PTPRN2: variants seen among roughly 807,000 people sequenced by gnomAD.
PTPRN2 encodes protein tyrosine phosphatase receptor type N2.
PTPRN2 carries 74 observed loss-of-function variants against 118.8 expected under a neutral mutation model. The observed-to-expected ratio is 0.62, with a 90% CI of 0.52 to 0.76. The LOEUF is 0.76. PTPRN2 is among the 30% of genes least tolerant of loss of function. PTPRN2 has a pLI of 0.00. For missense variants in PTPRN2, 1,481 were observed against 1,394.4 expected (o/e 1.06, Z -0.99); for synonymous variants, 641 against 608.0 (o/e 1.05, Z -0.80).
chr7:157,661,210 G>C (rs1795868310), intron 13 of PTPRN2, among the ~76,000 whole-genome samples: 1 of 152,288 alleles, frequency 6.6e-6, no homozygotes, highest in Non-Finnish European at 1.5e-5. Context: ...TCGCGTCACT[G>C]CGCAGCGCAG....
chr7:158,270,534 GGC>G lies in PTPRN2; in HGVS notation c.277+46283_277+46284del, dbSNP rs751931742. Among the ~76,000 whole-genome samples, 3 of 152,226 alleles carry G rather than the reference GGC, an allele frequency of 2.0e-5. No individual in the cohort carries two copies. The East Asian group carries it at 5.8e-4, about 29-fold the overall frequency. The stretch of plus-strand genomic sequence containing the variant: ...GCTCCCTCTGCCTATGACCAGGCCA[GGC>G]CCCCTGCAGTGGGTGCTGCTATCAC... On this transcript the variant is annotated intron_variant, in intron 3 of 22. Coordinates refer to ENST00000389418, the MANE Select transcript of PTPRN2 (RefSeq NM_002847.5).
intron 12 of PTPRN2, among the ~76,000 whole-genome samples, chr7:157,853,392 C>T (rs536198936): frequency 2.6e-5 from 4 of 152,176 alleles, no homozygotes; most frequent in Non-Finnish European, 5.9e-5. Flanking sequence ...GGAAGCATCC[C>T]GCACCGTGCC....
chr7:158,358,215 C>G (rs532866455), intron 2 of PTPRN2, among the ~76,000 whole-genome samples: 1 of 152,200 alleles, frequency 6.6e-6, no homozygotes, highest in South Asian at 2.1e-4. Flanking sequence ...AGACGCCCTA[C>G]GCCCACCTTT....
chr7:158,011,531 G>A (rs1865459), intron 11 of PTPRN2, among the ~76,000 whole-genome samples: 128,635 of 152,258 alleles, frequency 0.84, 54,419 homozygotes, highest in Non-Finnish European at 0.87. Flanking sequence ...ATATTAAGTG[G>A]TAGAAAATGG....
At chr7:158,534,701 C>T (rs776522824) in intron 1 of PTPRN2, among the ~76,000 whole-genome samples, 11 of 152,332 alleles carry the variant, frequency 7.2e-5, no homozygotes, top group African/African-American at 2.6e-4. Context: ...TAGCCTACCA[C>T]GTCACACAGT....
At chr7:157,998,837 A>G (rs1032800192) in intron 11 of PTPRN2, among the ~76,000 whole-genome samples, 1 of 150,398 alleles carries the variant, frequency 6.6e-6, no homozygotes, top group Non-Finnish European at 1.5e-5. Flanking sequence ...AAAAAAAAAA[A>G]CTCTACTTCA....
At chr7:158,071,604 G>C (rs1410258481) in intron 11 of PTPRN2, among the ~76,000 whole-genome samples, 6 of 107,496 alleles carry the variant, frequency 5.6e-5, no homozygotes, top group South Asian at 3.4e-4. Flanking sequence ...GCTCCTGGTG[G>C]AGGTGCTCGT....
At chr7:157,624,040 G>A (rs1020102028) in intron 14 of PTPRN2, among the ~76,000 whole-genome samples, 6 of 152,152 alleles carry the variant, frequency 3.9e-5, no homozygotes, top group African/African-American at 1.4e-4. Context: ...TTTAAACAAT[G>A]AAAGCAAAAC....
chr7:158,225,430 C>T (rs904809290), intron 3 of PTPRN2, among the ~76,000 whole-genome samples: 3 of 152,130 alleles, frequency 2.0e-5, no homozygotes, highest in African/African-American at 7.2e-5. Flanking sequence ...CTCGCTGAAT[C>T]TCCCCGGAAC....
chr7:157,809,940 G>A (rs1563132547), intron 12 of PTPRN2, among the ~76,000 whole-genome samples: 1 of 152,210 alleles, frequency 6.6e-6, no homozygotes, highest in African/African-American at 2.4e-5. Context: ...GAACAGGACT[G>A]TAATGGGTCA....
At position 158,587,544 on chromosome 7, in the gene PTPRN2, C is replaced by T. The variant is rs1586993202; in HGVS notation, c.112+14G>A. ...ATTCATTGAGGCGCCCCTCCCCCGG[C>T]GCCCCCCACTCACCCAGACGCCCCG... On this transcript the variant is annotated intron_variant, in intron 1 of 22. Coordinates refer to ENST00000389418, the MANE Select transcript of PTPRN2 (RefSeq NM_002847.5). 11 of 1,266,158 alleles carry T rather than the reference C, an allele frequency of 8.7e-6. No homozygotes were observed. The East Asian group carries it at 3.1e-4, about 36-fold the overall frequency. The allele number at this position is 1,266,158 out of a possible 1,614,324, so 78.4% of individuals were successfully genotyped here. A position where few individuals can be genotyped will look rare whatever the true frequency, so the allele number is the denominator to read the frequency against.
intron 2 of PTPRN2, among the ~76,000 whole-genome samples, chr7:158,460,480 G>C (rs1215938717): frequency 6.6e-6 from 1 of 151,642 alleles, no homozygotes; most frequent in Non-Finnish European, 1.5e-5. Context: ...AAGACCACAG[G>C]AGGGTCATCC....
chr7:158,149,533 G>T (rs568442530), intron 6 of PTPRN2, among the ~76,000 whole-genome samples: 1 of 152,148 alleles, frequency 6.6e-6, no homozygotes, highest in Non-Finnish European at 1.5e-5. Flanking sequence ...GCTGGGCGCA[G>T]TGGCTCATGC....
intron 12 of PTPRN2, among the ~76,000 whole-genome samples, chr7:157,692,207 G>A (rs1457690515): frequency 6.6e-6 from 1 of 151,768 alleles, no homozygotes; most frequent in Non-Finnish European, 1.5e-5. Flanking sequence ...ACGGCGGCCC[G>A]CGCCACTCGA....
At chr7:158,331,380 C>G (rs1280840612) in intron 2 of PTPRN2, among the ~76,000 whole-genome samples, 8 of 143,412 alleles carry the variant, frequency 5.6e-5, no homozygotes, top group African/African-American at 2.2e-4. Context: ...CCGCAGAAGT[C>G]ACTCACACCC....
intron 3 of PTPRN2, among the ~76,000 whole-genome samples, chr7:158,268,965 G>C (rs548059010): frequency 1.3e-3 from 204 of 152,322 alleles, no homozygotes; most frequent in Middle Eastern, 0.01. Context: ...CCACATTGTT[G>C]TTGAAAGCCG....
intron 3 of PTPRN2, among the ~76,000 whole-genome samples, chr7:158,257,800 G>C (rs1047449159): frequency 6.6e-6 from 1 of 152,244 alleles, no homozygotes. Context: ...GATGGCGTGC[G>C]TGCCAGGGGT....
intron 12 of PTPRN2, among the ~76,000 whole-genome samples, chr7:157,695,665 A>G (rs1369242374): frequency 1.3e-5 from 2 of 152,264 alleles, no homozygotes; most frequent in African/African-American, 4.8e-5. Flanking sequence ...TTCCACAGAC[A>G]AATATGGATG....
intron 3 of PTPRN2, among the ~76,000 whole-genome samples, chr7:158,232,609 C>A (rs1412672114): frequency 6.6e-6 from 1 of 151,710 alleles, no homozygotes; most frequent in Non-Finnish European, 1.5e-5. Flanking sequence ...CAGTGTTACC[C>A]TGAAACCAAA....
Sources: allele counts gnomAD v4.1 joint callset (sites outside exome capture counted in the v4.1 genomes callset), GRCh38; gene constraint gnomAD v4.1.1; transcripts MANE v1.5; gene names NCBI Gene and HGNC (gene_info 2026-07-23, HGNC 2026-07-21).